Variants in ANKRD44 observed in about 807,000 individuals in gnomAD.
ANKRD44 encodes the protein ankyrin repeat domain 44.
ANKRD44 carries 35 observed loss-of-function variants against 116.0 expected under a neutral mutation model. The observed-to-expected ratio is 0.30, with a 90% CI of 0.23 to 0.40. The LOEUF is 0.40. Ranked by LOEUF, ANKRD44 falls within the 10% of genes least tolerant of loss-of-function variation. The pLI, the probability that ANKRD44 is intolerant of heterozygous loss-of-function variation, is 1.00. For synonymous variants in ANKRD44, 435 were observed against 461.8 expected, an observed-to-expected ratio of 0.94 and a Z score of 0.74; for missense variants, 1,014 against 1,242.6, an observed-to-expected ratio of 0.82 and a Z score of 2.77.
intron 1 of ANKRD44, among the ~76,000 whole-genome samples, chr2:197,277,626 A>C (rs1415934005): frequency 6.6e-6 from 1 of 152,152 alleles, no homozygotes; most frequent in Non-Finnish European, 1.5e-5. Flanking sequence ...TCAAGGTTTT[A>C]AACTTAGGCC....
chr2:197,157,401 G>A (rs760440368), intron 2 of ANKRD44, among the ~76,000 whole-genome samples: 4 of 152,132 alleles, frequency 2.6e-5, no homozygotes, highest in Admixed American at 6.5e-5. Context: ...CCAGCCAGGC[G>A]CAGTGGCTCA....
chr2:197,186,606 A>ATTTTTTTT (rs2080669547), intron 2 of ANKRD44, among the ~76,000 whole-genome samples: 9 of 81,470 alleles, frequency 1.1e-4, no homozygotes, highest in Non-Finnish European at 1.7e-4. Flanking sequence ...TGCCCGGCTA[A>ATTTTTTTT]TTTTTCTTTT....
At chr2:197,290,708 A>G (rs1373097547) in intron 1 of ANKRD44, among the ~76,000 whole-genome samples, 1 of 152,234 alleles carries the variant, frequency 6.6e-6, no homozygotes, top group Non-Finnish European at 1.5e-5. Flanking sequence ...TAATCATTGG[A>G]AACTCAATCC....
chr2:197,256,551 T>C (rs1264944503), intron 1 of ANKRD44, among the ~76,000 whole-genome samples: 1 of 152,142 alleles, frequency 6.6e-6, no homozygotes, highest in African/African-American at 2.4e-5. Flanking sequence ...TTGAGACAGA[T>C]GAACAGGAAA....
chr2:197,140,417 C>T (rs182058470), intron 3 of ANKRD44, among the ~76,000 whole-genome samples: 1 of 152,120 alleles, frequency 6.6e-6, no homozygotes, highest in Non-Finnish European at 1.5e-5. Flanking sequence ...CTCCTGGGCT[C>T]AAGCAATCCT....
chr2:197,049,864 C>T (rs2077072793), intron 16 of ANKRD44, among the ~76,000 whole-genome samples: 1 of 152,076 alleles, frequency 6.6e-6, no homozygotes, highest in African/African-American at 2.4e-5. Context: ...AGTTTTAACA[C>T]ATATTACTCT....
intron 16 of ANKRD44, among the ~76,000 whole-genome samples, chr2:197,036,998 A>G (rs1574324753): frequency 6.6e-6 from 1 of 152,236 alleles, no homozygotes; most frequent in African/African-American, 2.4e-5. Flanking sequence ...AAGAGTTTTT[A>G]ATGACATTGG....
chr2:197,007,350 T>A (rs1264497324), intron 20 of ANKRD44, among the ~76,000 whole-genome samples: 1 of 152,168 alleles, frequency 6.6e-6, no homozygotes, highest in Non-Finnish European at 1.5e-5. Flanking sequence ...TCTTCAGTAT[T>A]CTCTTTTTAA....
At chr2:197,103,863 T>A (rs952250582) in intron 9 of ANKRD44, among the ~76,000 whole-genome samples, 2 of 152,334 alleles carry the variant, frequency 1.3e-5, no homozygotes, top group East Asian at 3.9e-4. Flanking sequence ...AATTTTCCCA[T>A]GGTTGAGTTC....
At chr2:197,253,149 G>A (rs374951498) in intron 1 of ANKRD44, among the ~76,000 whole-genome samples, 3 of 152,144 alleles carry the variant, frequency 2.0e-5, no homozygotes. Context: ...GTATAACGAT[G>A]GTACAACCAT....
chr2:197,081,107 C>T (rs988099170), intron 15 of ANKRD44, among the ~76,000 whole-genome samples: 2 of 152,158 alleles, frequency 1.3e-5, no homozygotes, highest in Non-Finnish European at 2.9e-5. Context: ...CAAAGAGCTA[C>T]GTCTCTGTTA....
rs376655276 is a variant in ANKRD44, at chr2:197,038,367, CCAAT to C, written c.1651-13104_1651-13101del. ...TTATAATAACAAAAACACCAACCAA[CCAAT>C]CAATCAGCAAAACAAGCAAACAAAT... On this transcript the variant is annotated intron_variant, in intron 16 of 27. Coordinates refer to ENST00000282272, the MANE Select transcript of ANKRD44 (RefSeq NM_001195144.2). Among the ~76,000 whole-genome samples the C allele has an allele frequency of 1.1e-3, 163 of 152,274 alleles. 3 individuals carry two copies. The highest frequency in any genetic ancestry group is 3.6e-3 in the African/African-American group (149 of 41,554).
At chr2:197,304,816 G>A (rs1233660111) in intron 1 of ANKRD44, among the ~76,000 whole-genome samples, 3 of 152,156 alleles carry the variant, frequency 2.0e-5, no homozygotes. Context: ...TGCAAGTCCT[G>A]GACCGATCAG....
chr2:197,222,021 C>T (rs978890973), intron 1 of ANKRD44, among the ~76,000 whole-genome samples: 24 of 152,216 alleles, frequency 1.6e-4, no homozygotes, highest in African/African-American at 5.5e-4. Flanking sequence ...AAAATCCTAA[C>T]ATTAAAATGC....
chr2:196,984,689 C>T (rs762684352), downstream of ANKRD44, among the ~76,000 whole-genome samples: 30 of 152,202 alleles, frequency 2.0e-4, no homozygotes, highest in Non-Finnish European at 4.3e-4. Context: ...TCACATTTCT[C>T]TGCTTATGAG....
chr2:197,256,722 A>G (rs2082456874), intron 1 of ANKRD44, among the ~76,000 whole-genome samples: 1 of 152,208 alleles, frequency 6.6e-6, no homozygotes, highest in African/African-American at 2.4e-5. Flanking sequence ...GTTTCAGAAA[A>G]TGGCATACAA....
intron 16 of ANKRD44, among the ~76,000 whole-genome samples, chr2:197,071,760 T>C (rs909086501): frequency 2.6e-5 from 4 of 152,236 alleles, no homozygotes; most frequent in Non-Finnish European, 5.9e-5. Flanking sequence ...TTCAGTCTCA[T>C]TGTTCTACCA....
At position 196,988,171 on chromosome 2, in the gene ANKRD44, A is replaced by G; in HGVS notation, c.*1420T>C. 1 of 985,454 alleles carries G rather than the reference A, an allele frequency of 1.0e-6. No individual in the cohort carries two copies. The highest frequency in any genetic ancestry group is 5.2e-4 in the Middle Eastern group (1 of 1,914). 61.0% of individuals were successfully genotyped at this position (985,454 alleles called of 1,614,324 possible). On this transcript the variant is annotated 3_prime_UTR_variant, in exon 28 of 28. Coordinates refer to ENST00000282272, the MANE Select transcript of ANKRD44 (RefSeq NM_001195144.2). ...TGTACTCTCTGCTACACGACAGGAAAAATGTTAACGCTGCTTTGCCATTAA... is the reference window on the plus strand; with the variant it reads ...TGTACTCTCTGCTACACGACAGGAAGAATGTTAACGCTGCTTTGCCATTAA...
rs2078849675 is a variant in ANKRD44 at position 197,121,388 on chromosome 2, G to A, written c.850C>T (p.His284Tyr). Residue 284 changes from histidine (H) to tyrosine (Y), a missense_variant, in exon 8 of 28, where the codon CAT becomes TAT. His to Tyr is a moderately conservative substitution (Grantham distance 83, BLOSUM62 2). Transcript: ENST00000282272. The stretch of plus-strand genomic sequence containing the variant: ...AACAATTCAAGACACAAAGCACCAT[G>A]AGTGGAGGCAGCAGCAAAATGCAAA... ...TPLHFAAAST[H>Y]GALCLELLVN... 1 of 1,614,210 alleles carries A rather than the reference G, an allele frequency of 6.2e-7. No homozygotes were observed. Among genetic ancestry groups the A allele is most frequent in the African/African-American group, 1.3e-5 (1 of 75,054 alleles).
Sources: gnomAD v4.1 joint callset for allele counts (sites outside exome capture counted in the v4.1 genomes callset) on GRCh38, gnomAD v4.1.1 for gene constraint, MANE v1.5 for transcripts, NCBI Gene and HGNC (gene_info 2026-07-23, HGNC 2026-07-21) for gene names.